Variants in MYRFL observed in about 807,000 individuals in gnomAD.
MYRFL encodes the protein myelin regulatory factor-like protein.
A neutral mutation model predicts 109.4 loss-of-function variants in MYRFL; 88 were observed. The observed-to-expected ratio is 0.80, with a 90% confidence interval of 0.68 to 0.96. The LOEUF (loss-of-function observed/expected upper bound fraction) is 0.96. Ranked by LOEUF, MYRFL falls within the 40% of genes least tolerant of loss-of-function variation. The pLI, the probability that MYRFL is intolerant of heterozygous loss-of-function variation, is 0.00. For synonymous variants in MYRFL, 324 were observed against 320.9 expected (o/e 1.01, Z -0.10); for missense variants, 957 against 954.9 (o/e 1.00, Z -0.03).
intron 5 of MYRFL, among the ~76,000 whole-genome samples, chr12:69,886,455 G>A (rs1324560790): frequency 6.6e-6 from 1 of 152,174 alleles, no homozygotes; most frequent in Non-Finnish European, 1.5e-5. Context: ...ACTGATGCAA[G>A]GACTGAATGC....
intron 19 of MYRFL, among the ~76,000 whole-genome samples, chr12:69,939,000 C>T (rs528491732): frequency 4.6e-5 from 7 of 152,236 alleles, no homozygotes; most frequent in South Asian, 4.1e-4. Context: ...TAAAAAATGG[C>T]GCACCACGAG....
chr12:69,867,402 T>C lies in MYRFL; in HGVS notation c.138-11626T>C, dbSNP rs17107187. Among the ~76,000 whole-genome samples the C allele has an allele frequency of 6.5e-3, 984 of 152,326 alleles. 9 individuals are homozygous for C. Among genetic ancestry groups the C allele is most frequent in the African/African-American group, 0.022 (933 of 41,570 alleles). Reference sequence around the variant, plus strand: ...AGACTAGTAAATCTTCAAGGCAGGCTAAATTAATGCAGTTTGGTTTGAGTC... The same window carrying C: ...AGACTAGTAAATCTTCAAGGCAGGCCAAATTAATGCAGTTTGGTTTGAGTC... On this transcript the variant is annotated intron_variant, in intron 2 of 24. Transcript: ENST00000552032.
At chr12:69,848,761 T>G (rs1883708910) in intron 1 of MYRFL, among the ~76,000 whole-genome samples, 3 of 152,232 alleles carry the variant, frequency 2.0e-5, no homozygotes, top group Admixed American at 2.0e-4. Context: ...AGCAGTGTAT[T>G]GTGTAATAAC....
At chr12:69,826,577 A>T (rs1015823648) in intron 1 of MYRFL, among the ~76,000 whole-genome samples, 4 of 152,046 alleles carry the variant, frequency 2.6e-5, no homozygotes, top group African/African-American at 9.7e-5. Flanking sequence ...TTTTTGAAAG[A>T]GCTTTTATTT....
At chr12:69,905,219 T>C (rs572892171) in intron 11 of MYRFL, among the ~76,000 whole-genome samples, 2 of 152,318 alleles carry the variant, frequency 1.3e-5, no homozygotes, top group South Asian at 4.1e-4. Context: ...AAAATGTAAA[T>C]TGAATATAAC....
intron 21 of MYRFL, 150 bp downstream of exon 21, chr12:69,953,036 G>A (rs1256521232): frequency 1.0e-5 from 6 of 592,062 alleles, no homozygotes; most frequent in Non-Finnish European, 8.7e-6. Flanking sequence ...ATTACATGGT[G>A]GGAGAAAGAA....
rs753134125 is a variant in MYRFL at position 69,825,288 on chromosome 12, A to AT, written c.-222dup. On this transcript the variant is annotated 5_prime_UTR_variant, in exon 1 of 25. An upstream open reading frame in the 5' UTR loses its in-frame stop. Transcript: ENST00000552032. Reference sequence around the variant, plus strand: ...TTTGCTACCTCTTCCCTCTTCATGAATTTTTTTTAAATGTATGGTTGTATA... The same window carrying AT: ...TTTGCTACCTCTTCCCTCTTCATGAATTTTTTTTTAAATGTATGGTTGTATA... 7.0e-5 allele frequency: 47 copies of AT among 674,734 alleles called. No homozygotes were observed. The highest frequency in any genetic ancestry group is 7.9e-5 in the South Asian group (5 of 63,188). 41.8% of individuals were successfully genotyped at this position (674,734 alleles called of 1,614,324 possible). A position where few individuals can be genotyped will look rare whatever the true frequency, so the allele number is the denominator to read the frequency against.
chr12:69,830,464 T>C (rs1296974882), intron 1 of MYRFL, among the ~76,000 whole-genome samples: 1 of 148,472 alleles, frequency 6.7e-6, no homozygotes, highest in Non-Finnish European at 1.5e-5. Flanking sequence ...AATACATTTA[T>C]ATAGATATAT....
At chr12:69,914,648 C>A (rs373450053) in intron 13 of MYRFL, among the ~76,000 whole-genome samples, 11 of 152,294 alleles carry the variant, frequency 7.2e-5, no homozygotes, top group African/African-American at 2.6e-4. Context: ...GTTCCAAGGT[C>A]CATCCTCCTT....
intron 2 of MYRFL, among the ~76,000 whole-genome samples, chr12:69,875,169 C>T (rs935305606): frequency 6.7e-6 from 1 of 148,680 alleles, no homozygotes; most frequent in Admixed American, 6.7e-5. Flanking sequence ...GTTCATAAAT[C>T]TCTTTTTCTC....
In MYRFL at chr12:69,959,048, A is replaced by G. The variant is rs1956156722; in HGVS notation, c.*517A>G. On this transcript the variant is annotated 3_prime_UTR_variant, in exon 25 of 25. Coordinates refer to ENST00000552032, the MANE Select transcript of MYRFL (RefSeq NM_182530.3). ...GTGTGTGTATTGTATAAACACATAC[A>G]CTAGAGTACAGAATGTAGTTTGTTA... 1 of 154,264 alleles carries G rather than the reference A, an allele frequency of 6.5e-6. No individual in the cohort carries two copies. Among genetic ancestry groups the G allele is most frequent in the African/African-American group, 2.4e-5 (1 of 41,460 alleles). 9.6% of individuals were successfully genotyped at this position (154,264 alleles called of 1,614,324 possible). A position where few individuals can be genotyped will look rare whatever the true frequency, so the allele number is the denominator to read the frequency against.
At chr12:69,884,074 G>T (rs1565995444) in intron 5 of MYRFL, among the ~76,000 whole-genome samples, 1 of 152,154 alleles carries the variant, frequency 6.6e-6, no homozygotes, top group Non-Finnish European at 1.5e-5. Context: ...TATACCACTA[G>T]ATCATTTTGT....
At chr12:69,833,828 CTTTTT>C (rs11300053) in intron 1 of MYRFL, among the ~76,000 whole-genome samples, 1 of 113,912 alleles carries the variant, frequency 8.8e-6, no homozygotes, top group African/African-American at 3.4e-5. Context: ...ATAGGGCTTG[CTTTTT>C]TTTTTTTTTT....
intron 2 of MYRFL, among the ~76,000 whole-genome samples, chr12:69,865,765 G>C (rs891282901): frequency 1.3e-5 from 2 of 152,066 alleles, no homozygotes; most frequent in African/African-American, 4.8e-5. Flanking sequence ...CTACCCATAG[G>C]CTTCCCCCTT....
In MYRFL at chr12:69,922,813, A is replaced by G. The variant is rs552532395; in HGVS notation, c.1603-3758A>G. ...ATGTATAAAACAAAGAAACAAATAC[A>G]TGCAATAGTTTTAGTAGACATTGAG... On this transcript the variant is annotated intron_variant, in intron 13 of 24. Transcript: ENST00000552032. Among the ~76,000 whole-genome samples the G allele has an allele frequency of 1.3e-5, 2 of 152,214 alleles. 1 individual carries two copies. The highest frequency in any genetic ancestry group is 4.1e-4 in the South Asian group (2 of 4,824).
chr12:69,864,892 G>A (rs1531302), intron 2 of MYRFL, among the ~76,000 whole-genome samples: 73,647 of 151,986 alleles, frequency 0.48, 18,276 homozygotes, highest in Admixed American at 0.56. Flanking sequence ...AAAGTTGTAT[G>A]GTCTCTCTCC....
At chr12:69,883,010 A>T (rs1418621198) in intron 5 of MYRFL, among the ~76,000 whole-genome samples, 2 of 152,246 alleles carry the variant, frequency 1.3e-5, no homozygotes, top group Non-Finnish European at 2.9e-5. Context: ...AAAGTAAGTT[A>T]TGCAAACATA....
chr12:69,861,466 T>A (rs1359034015), intron 2 of MYRFL, among the ~76,000 whole-genome samples: 2 of 152,238 alleles, frequency 1.3e-5, no homozygotes, highest in Admixed American at 6.5e-5. Flanking sequence ...GGTATCTCAT[T>A]GTGGTTTTGA....
intron 12 of MYRFL, among the ~76,000 whole-genome samples, chr12:69,910,421 T>G (rs1954522964): frequency 6.6e-6 from 1 of 151,766 alleles, no homozygotes; most frequent in Admixed American, 6.6e-5. Flanking sequence ...AGGGAGAAGG[T>G]GGCAGGGTAA....
Sources: gnomAD v4.1 joint callset for allele counts (sites outside exome capture counted in the v4.1 genomes callset) on GRCh38, gnomAD v4.1.1 for gene constraint, MANE v1.5 for transcripts, NCBI Gene and HGNC (gene_info 2026-07-23, HGNC 2026-07-21) for gene names.